The following PSKH1 variants were observed in gnomAD, a reference collection of about 807,000 sequenced individuals.
PSKH1 encodes serine/threonine-protein kinase H1.
PSKH1 carries 12 observed loss-of-function variants against 26.7 expected under a neutral mutation model. The ratio of observed to expected loss-of-function variants is 0.45; its 90% CI spans 0.29 to 0.73. The LOEUF (loss-of-function observed/expected upper bound fraction) is 0.73, where lower values mean the gene tolerates loss of function less well. Among genes scored for constraint, PSKH1 ranks in the 30% least tolerant of loss-of-function variants. PSKH1 has a pLI of 0.11. For missense variants in PSKH1, 431 were observed against 595.2 expected, an observed-to-expected ratio of 0.72 and a Z score of 2.87; for synonymous variants, 213 against 234.3, an observed-to-expected ratio of 0.91 and a Z score of 0.83.
At chr16:67,911,746 C>T (rs1455311791) in intron 2 of PSKH1, among the ~76,000 whole-genome samples, 1 of 152,226 alleles carries the variant, frequency 6.6e-6, no homozygotes, top group African/African-American at 2.4e-5. Flanking sequence ...CACTTGAGGT[C>T]CTGTGCTGTA....
At chr16:67,924,613 T>C (rs1397114394) in intron 2 of PSKH1, among the ~76,000 whole-genome samples, 1 of 152,202 alleles carries the variant, frequency 6.6e-6, no homozygotes, top group Non-Finnish European at 1.5e-5. Context: ...TGCCCCTCTT[T>C]TGTCTTGGCT....
Position 67,909,779 on chromosome 16 carries a change from G to A in PSKH1, c.957+73G>A. ...GGGCAGGTATATCCTGCAGCTCTCA[G>A]TCAGAGGTATGTCCTCAGGGCCATG... On this transcript the variant is annotated intron_variant, in intron 2 of 2. Coordinates refer to ENST00000291041, the MANE Select transcript of PSKH1 (RefSeq NM_006742.3). This position sits in a 1 kb window ranked among gnomAD's most constrained non-coding sequence, Gnocchi z 7.8. The A allele has an allele frequency of 1.4e-6, 2 of 1,390,956 alleles. No homozygotes were observed. The highest frequency in any genetic ancestry group is 2.4e-5 in the East Asian group (1 of 41,656). The allele number at this position is 1,390,956 out of a possible 1,614,324, so 86.2% of individuals were successfully genotyped here.
chr16:67,904,162 C>A (rs929063945), intron 1 of PSKH1, among the ~76,000 whole-genome samples: 2 of 151,078 alleles, frequency 1.3e-5, no homozygotes, highest in African/African-American at 4.9e-5. Flanking sequence ...ATTACAGGCG[C>A]CTGCCACAAT....
At chr16:67,894,395 C>T (rs996558335) in intron 1 of PSKH1, among the ~76,000 whole-genome samples, 2 of 152,198 alleles carry the variant, frequency 1.3e-5, no homozygotes, top group African/African-American at 2.4e-5. Context: ...CCTGCCTAGG[C>T]TCCTAACATA....
chr16:67,917,440 A>G (rs941177455), intron 2 of PSKH1, among the ~76,000 whole-genome samples: 1 of 152,240 alleles, frequency 6.6e-6, no homozygotes, highest in African/African-American at 2.4e-5. Flanking sequence ...TGAGGACAGC[A>G]TGTACATCAA....
At chr16:67,917,711 C>T (rs147525275) in intron 2 of PSKH1, among the ~76,000 whole-genome samples, 110 of 152,202 alleles carry the variant, frequency 7.2e-4, no homozygotes, top group African/African-American at 2.5e-3. Flanking sequence ...GCTGGCAATG[C>T]GCTTAGGGGG....
At position 67,909,441 on chromosome 16, in the gene PSKH1, C is replaced by T. The variant is rs1316650317; in HGVS notation, c.692C>T (p.Thr231Ile). 1.2e-6 allele frequency: 2 copies of T among 1,613,620 alleles called. No individual in the cohort carries two copies. The highest frequency in any genetic ancestry group is 1.7e-6 in the Non-Finnish European group (2 of 1,180,018). The change falls in exon 2 of 3, where the codon ACT becomes ATT. Residue 231 changes from threonine (T) to isoleucine (I), a missense_variant. Coordinates refer to ENST00000291041, the MANE Select transcript of PSKH1 (RefSeq NM_006742.3). The surrounding 1 kb of genome is among the most constrained non-coding windows in gnomAD (Gnocchi z 7.8). ...PENLLYYHPGTDSKIIITDFG... is the reference protein window; with the variant it reads ...PENLLYYHPGIDSKIIITDFG... ...AATCTGCTCTACTACCATCCGGGCA[C>T]TGACTCCAAGATCATCATCACCGAC...
At chr16:67,895,565 C>T (rs1411495608) in intron 1 of PSKH1, among the ~76,000 whole-genome samples, 1 of 152,016 alleles carries the variant, frequency 6.6e-6, no homozygotes, top group Non-Finnish European at 1.5e-5. Flanking sequence ...CGCATCACCA[C>T]GCCCAGCTAA....
rs936441593 is a variant in PSKH1 at position 67,929,656 on chromosome 16, G to A, written c.*2014G>A. 1.4e-5 allele frequency: 7 copies of A among 485,278 alleles called. No individual in the cohort carries two copies. Among genetic ancestry groups the A allele is most frequent in the Middle Eastern group, 5.5e-4 (1 of 1,806 alleles). 30.1% of individuals were successfully genotyped at this position (485,278 alleles called of 1,614,324 possible). A position where few individuals can be genotyped will look rare whatever the true frequency, so the allele number is the denominator to read the frequency against. On this transcript the variant is annotated 3_prime_UTR_variant, in exon 3 of 3. Coordinates refer to ENST00000291041, the MANE Select transcript of PSKH1 (RefSeq NM_006742.3). Reference sequence around the variant, plus strand: ...TCAGTAAACAGGCTGCCTCTCCAGGGAGGGCTGCCATTCATTCCAACAGTT... The same window carrying A: ...TCAGTAAACAGGCTGCCTCTCCAGGAAGGGCTGCCATTCATTCCAACAGTT...
intron 1 of PSKH1, among the ~76,000 whole-genome samples, chr16:67,905,017 G>A (rs112782971): frequency 1.3e-5 from 2 of 151,642 alleles, no homozygotes; most frequent in Admixed American, 1.3e-4. Flanking sequence ...TAGTGGAGAC[G>A]GGGTTTCACT....
intron 1 of PSKH1, among the ~76,000 whole-genome samples, chr16:67,898,642 G>A (rs1431971895): frequency 6.9e-6 from 1 of 143,902 alleles, no homozygotes; most frequent in Non-Finnish European, 1.5e-5. Context: ...TTTTTTTTTG[G>A]AGATGGAGTC....
At chr16:67,906,208 G>C (rs2058155581) in intron 1 of PSKH1, among the ~76,000 whole-genome samples, 2 of 151,876 alleles carry the variant, frequency 1.3e-5, no homozygotes, top group Non-Finnish European at 2.9e-5. Flanking sequence ...AAGTAGCTGG[G>C]ATTACAGGCA....
At chr16:67,901,046 G>A (rs777224750) in intron 1 of PSKH1, among the ~76,000 whole-genome samples, 5 of 152,100 alleles carry the variant, frequency 3.3e-5, no homozygotes, top group Non-Finnish European at 5.9e-5. Context: ...AGATGTGATG[G>A]GACTGTGGAG....
At chr16:67,900,195 C>T (rs1342690201) in intron 1 of PSKH1, among the ~76,000 whole-genome samples, 1 of 152,080 alleles carries the variant, frequency 6.6e-6, no homozygotes, top group Non-Finnish European at 1.5e-5. Context: ...CTCCTTACCT[C>T]AGGTGATCCA....
At chr16:67,895,031 C>T (rs2058122277) in intron 1 of PSKH1, among the ~76,000 whole-genome samples, 1 of 148,136 alleles carries the variant, frequency 6.8e-6, no homozygotes, top group African/African-American at 2.5e-5. Context: ...TCAAGTGATT[C>T]TCCTGCCTCA....
At chr16:67,897,461 C>G (rs994833491) in intron 1 of PSKH1, among the ~76,000 whole-genome samples, 4 of 152,092 alleles carry the variant, frequency 2.6e-5, no homozygotes, top group Non-Finnish European at 4.4e-5. Context: ...TCTTTCCAAG[C>G]TGCCAGCCTT....
Position 67,909,159 on chromosome 16 carries a change from G to A in PSKH1, c.410G>A (p.Arg137Gln), listed in dbSNP as rs1441582991. ...KMIETKYREG[R>Q]EVCESELRVL... ...ATTGAGACCAAGTACCGGGAGGGGC[G>A]GGAGGTGTGTGAGTCGGAGCTGCGT... The change falls in exon 2 of 3, where the codon CGG (arginine) becomes CAG (glutamine). Residue 137 changes from arginine to glutamine, a missense_variant. By Grantham distance (43) the Arg-to-Gln change is conservative. Transcript: ENST00000291041. This position sits in a 1 kb window ranked among gnomAD's most constrained non-coding sequence, Gnocchi z 7.8. 5 of 1,614,022 alleles carry A rather than the reference G, an allele frequency of 3.1e-6. No individual in the cohort carries two copies. The highest frequency in any genetic ancestry group is 2.2e-5 in the East Asian group (1 of 44,890).
In PSKH1 at chr16:67,908,727, G is replaced by A; in HGVS notation, c.-23G>A. 1 of 1,555,656 alleles carries A rather than the reference G, an allele frequency of 6.4e-7. No individual in the cohort carries two copies. The highest frequency in any genetic ancestry group is 8.7e-7 in the Non-Finnish European group (1 of 1,146,966). ...AGAGCAGGTCCTGCCAGCCTCGCTG[G>A]AGAGGATGCCCTCGTGTCCGTGATG... On this transcript the variant is annotated 5_prime_UTR_variant, in exon 2 of 3. Transcript: ENST00000291041.
intron 1 of PSKH1, among the ~76,000 whole-genome samples, chr16:67,906,723 A>G (rs1246602056): frequency 6.6e-6 from 1 of 152,160 alleles, no homozygotes; most frequent in Admixed American, 6.5e-5. Context: ...GTCCTCAGAC[A>G]TAGAGAAGAG....
Sources: gnomAD v4.1 joint callset for allele counts (sites outside exome capture counted in the v4.1 genomes callset) on GRCh38, gnomAD v4.1.1 for gene constraint, Gnocchi (gnomAD v3.1) non-coding constraint, MANE v1.5 for transcripts, NCBI Gene and HGNC (gene_info 2026-07-23, HGNC 2026-07-21) for gene names.